Variants in PLXNA4 observed in about 807,000 individuals in gnomAD.
PLXNA4 encodes plexin-A4.
In PLXNA4, 44 loss-of-function variants were observed where a neutral mutation model predicts 191.8. The observed-to-expected ratio is 0.23, with a 90% CI of 0.18 to 0.29. PLXNA4 has a LOEUF of 0.29. PLXNA4 is among the 10% of genes least tolerant of loss of function. The pLI is 1.00. For missense variants in PLXNA4, 1,800 were observed against 2,488.8 expected (o/e 0.72, Z 5.89); for synonymous variants, 1,082 against 1,009.5 (o/e 1.07, Z -1.36).
intron 3 of PLXNA4, among the ~76,000 whole-genome samples, chr7:132,432,541 C>G (rs1795304944): frequency 1.3e-5 from 2 of 152,090 alleles, no homozygotes; most frequent in African/African-American, 4.8e-5. Context: ...ATTTTCACAT[C>G]TATTATTCTT....
intron 2 of PLXNA4, among the ~76,000 whole-genome samples, chr7:132,620,437 C>T (rs1275959456): frequency 6.6e-6 from 1 of 152,132 alleles, no homozygotes; most frequent in African/African-American, 2.4e-5. Flanking sequence ...AACATCTTTA[C>T]TCTTATTAAT....
chr7:132,419,439 AC>A (rs1794775251), intron 3 of PLXNA4, among the ~76,000 whole-genome samples: 1 of 152,226 alleles, frequency 6.6e-6, no homozygotes, highest in Non-Finnish European at 1.5e-5. Flanking sequence ...GAGCTTTCCA[AC>A]TTTTTTGATC....
chr7:132,274,239 T>C (rs897109470), intron 4 of PLXNA4, among the ~76,000 whole-genome samples: 5 of 151,890 alleles, frequency 3.3e-5, no homozygotes, highest in Middle Eastern at 3.4e-3. Flanking sequence ...GTTTATATCA[T>C]AAGTGTAGTG....
At chr7:132,327,193 G>C (rs971594094) in intron 3 of PLXNA4, among the ~76,000 whole-genome samples, 1 of 140,376 alleles carries the variant, frequency 7.1e-6, no homozygotes, top group African/African-American at 2.6e-5. Context: ...AAAAGAAAGG[G>C]AGGGAGGGAA....
chr7:132,576,976 C>T (rs1328652417), upstream of PLXNA4: 1 of 146,132 alleles, frequency 6.8e-6, no homozygotes, highest in Non-Finnish European at 1.5e-5. The surrounding 1 kb of genome is among the most constrained non-coding windows in gnomAD (Gnocchi z 5.8). Flanking sequence ...GCGGCGGCCG[C>T]CCCCCGGCAG....
At chr7:132,572,475 TG>T (rs1802021119) in intron 1 of PLXNA4, among the ~76,000 whole-genome samples, 1 of 152,194 alleles carries the variant, frequency 6.6e-6, no homozygotes, top group Non-Finnish European at 1.5e-5. Context: ...GACAAGTGTG[TG>T]GGGGCATACA....
chr7:132,504,762 A>C (rs1798390870), intron 2 of PLXNA4, among the ~76,000 whole-genome samples: 1 of 152,194 alleles, frequency 6.6e-6, no homozygotes, highest in East Asian at 1.9e-4. Context: ...AGACTCCGTG[A>C]CAAGAGAGAT....
chr7:132,156,108 ATC>A (rs36128538), intron 25 of PLXNA4, among the ~76,000 whole-genome samples: 83,397 of 140,914 alleles, frequency 0.59, 28,667 homozygotes, highest in East Asian at 0.79. Context: ...TTTAAAATGA[ATC>A]TCTCTCTCTC....
intron 3 of PLXNA4, among the ~76,000 whole-genome samples, chr7:132,387,588 G>A (rs771526256): frequency 1.3e-5 from 2 of 152,122 alleles, no homozygotes; most frequent in African/African-American, 2.4e-5. Context: ...AGAGAATTAC[G>A]GCACTCACTT....
chr7:132,570,522 C>T (rs965541011), intron 1 of PLXNA4, among the ~76,000 whole-genome samples: 1 of 152,208 alleles, frequency 6.6e-6, no homozygotes, highest in Non-Finnish European at 1.5e-5. Context: ...TGTGCTCATT[C>T]GAGAAGAGTT....
intron 1 of PLXNA4, among the ~76,000 whole-genome samples, chr7:132,647,523 G>A (rs1302779152): frequency 6.6e-6 from 1 of 150,388 alleles, no homozygotes; most frequent in Non-Finnish European, 1.5e-5. Flanking sequence ...AAAAACACAT[G>A]CTATCATATA....
Position 132,185,391 on chromosome 7 carries a change from C to A in PLXNA4, c.3066G>T (p.Gln1022His). The A allele has an allele frequency of 1.2e-6, 2 of 1,614,150 alleles. No individual in the cohort carries two copies. Among genetic ancestry groups the A allele is most frequent in the Non-Finnish European group, 1.7e-6 (2 of 1,180,028 alleles). The change falls in exon 16 of 32, where the codon CAG becomes CAT. Residue 1022 changes from glutamine to histidine, a missense_variant. This residue lies in a region of PLXNA4 where 1,397 missense variants were observed against 1,880.4 expected (regional missense o/e 0.74). Coordinates refer to ENST00000321063, the MANE Select transcript of PLXNA4 (RefSeq NM_020911.2). ...DEVLEMKVSVQVDRAKIHQDL... is the reference protein window; with the variant it reads ...DEVLEMKVSVHVDRAKIHQDL... ...CCTGGTGGATCTTGGCCCTGTCCAC[C>A]TGCACCGACACCTTCATCTCTAGCA...
chr7:132,381,675 T>TCA (rs550635048), intron 3 of PLXNA4, among the ~76,000 whole-genome samples: 100 of 152,336 alleles, frequency 6.6e-4, no homozygotes, highest in African/African-American at 2.3e-3. Context: ...TCACATACAC[T>TCA]CACACATTTG....
At chr7:132,485,857 C>T (rs1797539455) in intron 3 of PLXNA4, among the ~76,000 whole-genome samples, 1 of 152,158 alleles carries the variant, frequency 6.6e-6, no homozygotes, top group Non-Finnish European at 1.5e-5. Flanking sequence ...CCCCCCGCTT[C>T]ATGTGACGTG....
chr7:132,434,905 T>C (rs916708083), intron 3 of PLXNA4, among the ~76,000 whole-genome samples: 2 of 152,166 alleles, frequency 1.3e-5, no homozygotes, highest in Admixed American at 1.3e-4. Context: ...TCACCCAGGA[T>C]GAGGAACCCA....
rs1188027152 is a variant in PLXNA4, at chr7:132,148,635, C to G, written c.4672G>C (p.Gly1558Arg). The change falls in exon 26 of 32, where the codon GGA becomes CGA. Residue 1558 changes from glycine (G) to arginine (R), a missense_variant. Physicochemically the swap from Gly to Arg is moderately radical, Grantham distance 125. This residue lies in a region of PLXNA4 where 214 missense variants were observed against 298.2 expected (regional missense o/e 0.72). Transcript: ENST00000321063. ...TGCAAGATCATCCTTGCCCCACTTC[C>G]TTGTCGCCACTCTGCCAAAAGAGCG... Reference protein sequence around the residue: ...AADMDLEWRQGSGARMILQDE... With the variant: ...AADMDLEWRQRSGARMILQDE... 1 of 1,614,162 alleles carries G rather than the reference C, an allele frequency of 6.2e-7. No individual in the cohort carries two copies. The highest frequency in any genetic ancestry group is 1.7e-5 in the Admixed American group (1 of 60,026).
At chr7:132,644,688 G>T (rs1391592039) in intron 2 of PLXNA4, among the ~76,000 whole-genome samples, 2 of 152,222 alleles carry the variant, frequency 1.3e-5, no homozygotes, top group Non-Finnish European at 2.9e-5. Context: ...TATATTTAAA[G>T]AGGAAGATGA....
chr7:132,351,012 G>A (rs1241221190), intron 3 of PLXNA4, among the ~76,000 whole-genome samples: 3 of 152,218 alleles, frequency 2.0e-5, no homozygotes, highest in Admixed American at 6.5e-5. Context: ...AAAGCATTAT[G>A]CTGAGTAAGA....
At chr7:132,505,211 CT>C (rs1263807490) in intron 2 of PLXNA4, among the ~76,000 whole-genome samples, 9 of 152,356 alleles carry the variant, frequency 5.9e-5, no homozygotes, top group Admixed American at 2.0e-4. Context: ...CGGCATTAGC[CT>C]GTCTTGCAAA....
Sources: gnomAD v4.1 joint callset for allele counts (sites outside exome capture counted in the v4.1 genomes callset) on GRCh38, gnomAD v4.1.1 for gene constraint, gnomAD v4.1.1 regional missense constraint, Gnocchi (gnomAD v3.1) non-coding constraint, MANE v1.5 for transcripts, NCBI Gene and HGNC (gene_info 2026-07-23, HGNC 2026-07-21) for gene names.